The following RAB15 variants were observed in gnomAD, a reference collection of about 807,000 sequenced individuals.
The protein encoded by RAB15 is ras-related protein Rab-15.
A neutral mutation model predicts 31.8 loss-of-function variants in RAB15; 13 were observed. The ratio of observed to expected loss-of-function variants is 0.41; its 90% CI spans 0.27 to 0.65. RAB15 has a LOEUF of 0.65. Ranked by LOEUF, RAB15 falls within the 30% of genes least tolerant of loss-of-function variation. RAB15 has a pLI of 0.32. For synonymous variants in RAB15, 100 were observed against 105.6 expected (o/e 0.95, Z 0.33); for missense variants, 220 against 277.3 (o/e 0.79, Z 1.47).
intron 1 of RAB15, among the ~76,000 whole-genome samples, chr14:64,964,108 G>A (rs557637141): frequency 1.3e-3 from 204 of 152,288 alleles, no homozygotes; most frequent in African/African-American, 4.5e-3. Flanking sequence ...ACAAAGTAGA[G>A]TAAATGAAAG....
At position 64,950,865 on chromosome 14, in the gene RAB15, G is replaced by T; in HGVS notation, c.324+209C>A. On this transcript the variant is annotated intron_variant, in intron 4 of 6. Coordinates refer to ENST00000533601, the MANE Select transcript of RAB15 (RefSeq NM_001308154.2). This position sits in a 1 kb window ranked among gnomAD's most constrained non-coding sequence, Gnocchi z 5.6. ...TTGGAACTAATTCATTTCCGGGAAAGACACAGCCGTGGAGGCCTGGCAGGG... is the reference window on the plus strand; with the variant it reads ...TTGGAACTAATTCATTTCCGGGAAATACACAGCCGTGGAGGCCTGGCAGGG... 1.0e-6 allele frequency: 1 copy of T among 957,580 alleles called. No individual in the cohort carries two copies. Among genetic ancestry groups the T allele is most frequent in the Non-Finnish European group, 1.6e-6 (1 of 622,622 alleles). The allele number at this position is 957,580 out of a possible 1,614,324, so 59.3% of individuals were successfully genotyped here. A position where few individuals can be genotyped will look rare whatever the true frequency, so the allele number is the denominator to read the frequency against.
At position 64,958,025 on chromosome 14, in the gene RAB15, C is replaced by T. The variant is rs921739312; in HGVS notation, c.125-5454G>A. Reference sequence around the variant, plus strand: ...GTGGCACGATCTCAGGTCACTGCAACCTCTGCCTCCTGGGTTCAAGCGATT... The same window carrying T: ...GTGGCACGATCTCAGGTCACTGCAATCTCTGCCTCCTGGGTTCAAGCGATT... On this transcript the variant is annotated intron_variant, in intron 1 of 6. Coordinates refer to ENST00000533601, the MANE Select transcript of RAB15 (RefSeq NM_001308154.2). The surrounding 1 kb of genome is among the most constrained non-coding windows in gnomAD (Gnocchi z 4.4). The T allele has an allele frequency of 1.3e-5, 2 of 152,294 alleles. No homozygotes were observed. Among genetic ancestry groups the T allele is most frequent in the Non-Finnish European group, 2.9e-5 (2 of 68,100 alleles). The allele number at this position is 152,294 out of a possible 1,614,324, so 9.4% of individuals were successfully genotyped here. A position where few individuals can be genotyped will look rare whatever the true frequency, so the allele number is the denominator to read the frequency against.
rs1566843113 is a variant in RAB15, at chr14:64,952,594, AAAGT to A, written c.125-27_125-24del. The A allele has an allele frequency of 7.0e-6, 11 of 1,565,760 alleles. No homozygotes were observed. Among genetic ancestry groups the A allele is most frequent in the Admixed American group, 3.4e-5 (2 of 59,450 alleles). Reference sequence around the variant, plus strand: ...CACCTGAAGAAAGGAAGAAAGAAAGAAAGTTAGAAAGCGTACCCACGAGAAATGA... The same window carrying A: ...CACCTGAAGAAAGGAAGAAAGAAAGATAGAAAGCGTACCCACGAGAAATGA... On this transcript the variant is annotated intron_variant, in intron 1 of 6. Transcript: ENST00000533601. The surrounding 1 kb of genome is among the most constrained non-coding windows in gnomAD (Gnocchi z 4.2).
Position 64,971,696 on chromosome 14 carries a change from G to T in RAB15, c.124+257C>A, listed in dbSNP as rs1009475366. ...GCCTACACCAGCTCCCCTCACCCCCGGTTTCTCGGTTTGATGGGACGGAAG... is the reference window on the plus strand; with the variant it reads ...GCCTACACCAGCTCCCCTCACCCCCTGTTTCTCGGTTTGATGGGACGGAAG... On this transcript the variant is annotated intron_variant, in intron 1 of 6. Transcript: ENST00000533601. The surrounding 1 kb of genome is among the most constrained non-coding windows in gnomAD (Gnocchi z 4.1). The T allele has an allele frequency of 1.9e-6, 1 of 528,182 alleles. No homozygotes were observed. Among genetic ancestry groups the T allele is most frequent in the African/African-American group, 2.0e-5 (1 of 50,674 alleles). 32.7% of individuals were successfully genotyped at this position (528,182 alleles called of 1,614,324 possible).
At position 64,970,748 on chromosome 14, in the gene RAB15, T is replaced by G. The variant is rs768598298; in HGVS notation, c.124+1205A>C. On this transcript the variant is annotated intron_variant, in intron 1 of 6. Transcript: ENST00000533601. The surrounding 1 kb of genome is among the most constrained non-coding windows in gnomAD (Gnocchi z 4.1). ...GAGAAACTAAATAAAGCTCAGAAGT[T>G]TAGGCAATATTCAAGGTTGCTTTGC... Among the ~76,000 whole-genome samples, 7 of 152,318 alleles carry G rather than the reference T, an allele frequency of 4.6e-5. No homozygotes were observed. The highest frequency in any genetic ancestry group is 1.3e-4 in the Admixed American group (2 of 15,300).
Position 64,950,937 on chromosome 14 carries a change from A to T in RAB15, c.324+137T>A. On this transcript the variant is annotated intron_variant, in intron 4 of 6. Transcript: ENST00000533601. This position sits in a 1 kb window ranked among gnomAD's most constrained non-coding sequence, Gnocchi z 5.6. ...AGCTTCGGTTTCTTCCCCATGTCTT[A>T]CTCACCCAGAGGTCTTCATCCAGGG... The T allele has an allele frequency of 6.3e-7, 1 of 1,599,604 alleles. No individual in the cohort carries two copies. Among genetic ancestry groups the T allele is most frequent in the Non-Finnish European group, 8.6e-7 (1 of 1,168,748 alleles).
Position 64,948,662 on chromosome 14 carries a change from T to A in RAB15, c.480+6A>T. The A allele has an allele frequency of 1.2e-6, 2 of 1,614,034 alleles. No individual in the cohort carries two copies. Among genetic ancestry groups the A allele is most frequent in the Non-Finnish European group, 1.7e-6 (2 of 1,179,946 alleles). On this transcript the variant is annotated splice_donor_region_variant and intron_variant, in intron 6 of 6. Coordinates refer to ENST00000533601, the MANE Select transcript of RAB15 (RefSeq NM_001308154.2). This position sits in a 1 kb window ranked among gnomAD's most constrained non-coding sequence, Gnocchi z 7.0. ...AGAGCGGGCGCCTGGTCACCAGGGC[T>A]CTCACCTCTTTAATGTTGAGGTTGG...
At chr14:64,949,083 C>T (rs751420450) in intron 5 of RAB15, among the ~76,000 whole-genome samples, 1 of 152,242 alleles carries the variant, frequency 6.6e-6, no homozygotes, top group Non-Finnish European at 1.5e-5. Context: ...AGCACTGCCA[C>T]TGATGGCTAG....
At chr14:64,964,913 T>C (rs1887051559) in intron 1 of RAB15, among the ~76,000 whole-genome samples, 1 of 151,710 alleles carries the variant, frequency 6.6e-6, no homozygotes, top group Non-Finnish European at 1.5e-5. Context: ...GCCCTTTCTA[T>C]AGTTCATGGT....
chr14:64,954,140 T>C lies in RAB15; in HGVS notation c.125-1569A>G, dbSNP rs955924864. 1.9e-5 allele frequency: 19 copies of C among 985,344 alleles called. No individual in the cohort carries two copies. The highest frequency in any genetic ancestry group is 2.2e-5 in the Non-Finnish European group (18 of 829,940). The allele number at this position is 985,344 out of a possible 1,614,324, so 61.0% of individuals were successfully genotyped here. ...ATCGATTTGGTCAGACGTGAATCAT[T>C]TCTCGCCTGCCCAAGCTGATTCATA... On this transcript the variant is annotated intron_variant, in intron 1 of 6. Transcript: ENST00000533601. The surrounding 1 kb of genome is among the most constrained non-coding windows in gnomAD (Gnocchi z 4.3).
intron 1 of RAB15, among the ~76,000 whole-genome samples, chr14:64,959,848 C>CAAAAAA (rs34981340): frequency 3.1e-4 from 13 of 42,054 alleles, no homozygotes; most frequent in African/African-American, 8.9e-4. Context: ...GACCCTGTCT[C>CAAAAAA]AAAAAAAAAA....
Position 64,954,320 on chromosome 14 carries a change from G to C in RAB15, c.125-1749C>G. ...TATGCTTATTTCTGCCTGGATCAAC[G>C]GTTATCAGGCACCTGTTTCTCCCCA... On this transcript the variant is annotated intron_variant, in intron 1 of 6. Transcript: ENST00000533601. The surrounding 1 kb of genome is among the most constrained non-coding windows in gnomAD (Gnocchi z 4.3). 1.0e-6 allele frequency: 1 copy of C among 985,378 alleles called. No homozygotes were observed. The highest frequency in any genetic ancestry group is 1.2e-6 in the Non-Finnish European group (1 of 829,916). 61.0% of individuals were successfully genotyped at this position (985,378 alleles called of 1,614,324 possible).
Position 64,971,606 on chromosome 14 carries a change from C to T in RAB15, c.124+347G>A, listed in dbSNP as rs1887421912. ...TAGCAGAAGCTTTACTTCCCCTCCC[C>T]CTGGGGGTGTGGGGATGTTATTCCA... On this transcript the variant is annotated intron_variant, in intron 1 of 6. Transcript: ENST00000533601. This position sits in a 1 kb window ranked among gnomAD's most constrained non-coding sequence, Gnocchi z 4.1. Among the ~76,000 whole-genome samples the T allele has an allele frequency of 6.6e-6, 1 of 152,082 alleles. No individual in the cohort carries two copies.
At chr14:64,956,061 A>C (rs1886540205) in intron 1 of RAB15, among the ~76,000 whole-genome samples, 1 of 152,188 alleles carries the variant, frequency 6.6e-6, no homozygotes, top group African/African-American at 2.4e-5. Context: ...CTGTTCTCAA[A>C]GTGTGTCCCT....
chr14:64,960,518 G>A (rs1886800158), intron 1 of RAB15, among the ~76,000 whole-genome samples: 1 of 152,194 alleles, frequency 6.6e-6, no homozygotes, highest in African/African-American at 2.4e-5. Flanking sequence ...TACCTGCATG[G>A]TGTTGGGGAA....
intron 1 of RAB15, among the ~76,000 whole-genome samples, chr14:64,959,816 T>A (rs979009797): frequency 2.5e-4 from 29 of 117,784 alleles, no homozygotes; most frequent in Admixed American, 2.4e-3. Flanking sequence ...GAGGCTGCAC[T>A]CCAGCCTGAG....
rs752095859 is a variant in RAB15, at chr14:64,962,107, C to T, written c.125-9536G>A. On this transcript the variant is annotated intron_variant, in intron 1 of 6. Transcript: ENST00000533601. This position sits in a 1 kb window ranked among gnomAD's most constrained non-coding sequence, Gnocchi z 4.2. ...GCAGGCTCCTGGAATCCCAGCTACT[C>T]GGGAGGCTGAGGCATGAGAATCGCT... Among the ~76,000 whole-genome samples, 12 of 151,840 alleles carry T rather than the reference C, an allele frequency of 7.9e-5. No homozygotes were observed. The highest frequency in any genetic ancestry group is 1.9e-4 in the East Asian group (1 of 5,158).
intron 5 of RAB15, among the ~76,000 whole-genome samples, chr14:64,949,734 AAAAAAG>A (rs1249331530): frequency 6.6e-6 from 1 of 151,576 alleles, no homozygotes; most frequent in African/African-American, 2.4e-5. Context: ...AAAAAAAAAA[AAAAAAG>A]AAAGAAAGAA....
chr14:64,967,682 A>G (rs910991854), intron 1 of RAB15, among the ~76,000 whole-genome samples: 1 of 152,130 alleles, frequency 6.6e-6, no homozygotes, highest in African/African-American at 2.4e-5. Context: ...CCTGGCCACC[A>G]TGCAGAAAGG....
Sources: allele counts gnomAD v4.1 joint callset (sites outside exome capture counted in the v4.1 genomes callset), GRCh38; gene constraint gnomAD v4.1.1; non-coding constraint Gnocchi (gnomAD v3.1); transcripts MANE v1.5; gene names NCBI Gene and HGNC (gene_info 2026-07-23, HGNC 2026-07-21).